Variants in SRRM1 observed in about 807,000 individuals in gnomAD.
SRRM1 encodes serine/arginine repetitive matrix protein 1.
SRRM1 carries 19 observed loss-of-function variants against 110.2 expected under a neutral mutation model. The observed-to-expected ratio is 0.17, with a 90% CI of 0.12 to 0.25. SRRM1 has a LOEUF of 0.25. Among genes scored for constraint, SRRM1 ranks in the 10% least tolerant of loss-of-function variants. The pLI is 1.00. For synonymous variants in SRRM1, 443 were observed against 414.9 expected, an observed-to-expected ratio of 1.07 and a Z score of -0.82; for missense variants, 918 against 1,145.8, an observed-to-expected ratio of 0.80 and a Z score of 2.87.
chr1:24,652,806 AT>A, intron 7 of SRRM1, 106 bp from the exon 8 acceptor site: 1 of 1,438,126 alleles, frequency 7.0e-7, no homozygotes, highest in Non-Finnish European at 9.3e-7. Flanking sequence ...TAAATGGAAA[AT>A]TTTGATCTTT....
intron 12 of SRRM1, among the ~76,000 whole-genome samples, chr1:24,665,377 C>T (rs910513309): frequency 4.7e-5 from 7 of 149,878 alleles, no homozygotes; most frequent in East Asian, 2.0e-4. Context: ...TGCAGTGAGC[C>T]GATATCGTGC....
At position 24,652,508 on chromosome 1, in the gene SRRM1, A is replaced by G; in HGVS notation, c.800A>G (p.Lys267Arg). The part of the protein sequence containing the change: ...KEPSPEKNSK[K>R]EKEKEKTRPR... Reference sequence around the variant, plus strand: ...CCTTCTCCGGAAAAAAATTCCAAAAAAGAAAAGGAGAAGGAGAAGACCCGA... The same window carrying G: ...CCTTCTCCGGAAAAAAATTCCAAAAGAGAAAAGGAGAAGGAGAAGACCCGA... Residue 267 changes from lysine (K) to arginine (R), a missense_variant, in exon 7 of 17, where the codon AAA becomes AGA. Around this residue, in one of 5 missense-constraint regions of SRRM1, gnomAD observed 456 missense variants for 453.5 expected, o/e 1.01. Coordinates refer to ENST00000323848, the MANE Select transcript of SRRM1 (RefSeq NM_005839.4). The G allele has an allele frequency of 1.9e-6, 3 of 1,613,208 alleles. No individual in the cohort carries two copies. The highest frequency in any genetic ancestry group is 2.5e-6 in the Non-Finnish European group (3 of 1,179,718).
At chr1:24,672,050 C>A in intron 16 of SRRM1, 132 bp from the exon 17 acceptor site, 1 of 638,140 alleles carries the variant, frequency 1.6e-6, no homozygotes, top group Admixed American at 2.8e-5. Context: ...TAGGTATATC[C>A]CTCCCTGCTC....
chr1:24,643,619 G>C, intron 1 of SRRM1: 1 of 391,622 alleles, frequency 2.6e-6, no homozygotes, highest in Non-Finnish European at 4.5e-6. Flanking sequence ...GTACCTCGCT[G>C]CCCGCCTGCC....
rs187926176 is a variant in SRRM1, at chr1:24,649,885, A to G, written c.406-86A>G. 1.1e-3 allele frequency: 1,350 copies of G among 1,188,672 alleles called. 2 individuals are homozygous for G. The highest frequency in any genetic ancestry group is 1.4e-3 in the Non-Finnish European group (1,235 of 876,188). The allele number at this position is 1,188,672 out of a possible 1,614,324, so 73.6% of individuals were successfully genotyped here. ...AAGAGGCCGATGAAATGATAATAGC[A>G]TTGGTGTTTAACACACGTAGAAAGT... On this transcript the variant is annotated intron_variant, in intron 4 of 16. Coordinates refer to ENST00000323848, the MANE Select transcript of SRRM1 (RefSeq NM_005839.4).
At position 24,654,962 on chromosome 1, in the gene SRRM1, G is replaced by A. The variant is rs1435030520; in HGVS notation, c.1148G>A (p.Arg383Gln). ...KPPKRTSSPP[R>Q]KTRRLSPSAS... is the part of the protein sequence containing the mutation. ...CCCAAGAGGACATCCAGCCCCCCTC[G>A]GAAAACTCGTAGGTTATCTCCTTCA... The change falls in exon 9 of 17, where the codon CGG becomes CAG. Residue 383 changes from arginine to glutamine, a missense_variant. Arg to Gln is a conservative substitution (Grantham distance 43, BLOSUM62 1). This residue lies in a region of SRRM1 where 456 missense variants were observed against 453.5 expected (regional missense o/e 1.01). Coordinates refer to ENST00000323848, the MANE Select transcript of SRRM1 (RefSeq NM_005839.4). 8 of 1,613,940 alleles carry A rather than the reference G, an allele frequency of 5.0e-6. No individual in the cohort carries two copies. Among genetic ancestry groups the A allele is most frequent in the Non-Finnish European group, 5.9e-6 (7 of 1,180,010 alleles).
intron 5 of SRRM1, among the ~76,000 whole-genome samples, chr1:24,651,024 C>T (rs1660350352): frequency 6.6e-6 from 1 of 152,166 alleles, no homozygotes; most frequent in Admixed American, 6.5e-5. Flanking sequence ...TCCTGATGAA[C>T]TCCATTGTAA....
At chr1:24,658,998 C>T (rs990373870) in intron 9 of SRRM1, among the ~76,000 whole-genome samples, 4 of 151,992 alleles carry the variant, frequency 2.6e-5, no homozygotes, top group African/African-American at 7.2e-5. Context: ...GTTCAAGACC[C>T]GCGTGACCAA....
intron 9 of SRRM1, among the ~76,000 whole-genome samples, chr1:24,657,442 G>T (rs2148491059): frequency 6.6e-6 from 1 of 152,316 alleles, no homozygotes; most frequent in Non-Finnish European, 1.5e-5. Context: ...GGAGGGCAGG[G>T]TTGAAATTCT....
intron 6 of SRRM1, 62 bp downstream of exon 6, chr1:24,651,674 A>G (rs1660738940): frequency 8.1e-7 from 1 of 1,229,034 alleles, no homozygotes; most frequent in Admixed American, 2.1e-5. Flanking sequence ...GACTGCAAAT[A>G]TGACATCTGA....
chr1:24,666,756 C>T (rs190262178), intron 12 of SRRM1, 59 bp from the exon 13 acceptor site: 21 of 1,348,698 alleles, frequency 1.6e-5, no homozygotes, highest in Middle Eastern at 2.5e-4. Context: ...CAGAGTGAGA[C>T]GCCATCACAC....
In SRRM1 at chr1:24,671,403, A is replaced by G; in HGVS notation, c.2418A>G (p.Gly806=). 1.2e-6 allele frequency: 2 copies of G among 1,610,542 alleles called. No individual in the cohort carries two copies. The highest frequency in any genetic ancestry group is 1.3e-5 in the African/African-American group (1 of 74,562). ...CTTCCTAGAATTCAGATCAGGAAGG[A>G]GGTGGAAAGAAAAAGAAGAAAAAGA... is the stretch of plus-strand genomic sequence containing the variant. ...PSPPRNSDQE[G]GGKKKKKKKD... Residue 806 remains glycine, a synonymous_variant, in exon 16 of 17, where the codon GGA becomes GGG. Coordinates refer to ENST00000323848, the MANE Select transcript of SRRM1 (RefSeq NM_005839.4).
At chr1:24,652,324 T>G in intron 6 of SRRM1, 110 bp from the exon 7 acceptor site, 1 of 737,990 alleles carries the variant, frequency 1.4e-6, no homozygotes, top group Non-Finnish European at 2.1e-6. Flanking sequence ...TAGAGACAAG[T>G]CTGTGAATTT....
Position 24,671,646 on chromosome 1 carries a change from A to G in SRRM1, c.2610+51A>G, listed in dbSNP as rs749727401. 7 of 1,489,364 alleles carry G rather than the reference A, an allele frequency of 4.7e-6. No homozygotes were observed. The South Asian group carries it at 7.8e-5, about 17-fold the overall frequency. 92.3% of individuals were successfully genotyped at this position (1,489,364 alleles called of 1,614,324 possible). On this transcript the variant is annotated intron_variant, in intron 16 of 16. Coordinates refer to ENST00000323848, the MANE Select transcript of SRRM1 (RefSeq NM_005839.4). The stretch of plus-strand genomic sequence containing the variant: ...GTCTTGCAGTTTACGTACAGATAGC[A>G]AAGTCATTTTGTTTTGAGAAGTAGC...
At chr1:24,657,870 C>T (rs1353789879) in intron 9 of SRRM1, among the ~76,000 whole-genome samples, 2 of 152,122 alleles carry the variant, frequency 1.3e-5, no homozygotes, top group East Asian at 3.9e-4. Context: ...ATACATTGTG[C>T]TATCTGGACA....
At chr1:24,655,157 GTC>G in intron 9 of SRRM1, 28 bp downstream of exon 9, 1 of 1,609,050 alleles carries the variant, frequency 6.2e-7, no homozygotes, top group Non-Finnish European at 8.5e-7. Flanking sequence ...ATGAAACATG[GTC>G]TCTCTTTCTT....
At chr1:24,647,812 G>A (rs1179969976) in intron 3 of SRRM1, 1 of 152,334 alleles carries the variant, frequency 6.6e-6, no homozygotes, top group Non-Finnish European at 1.5e-5. Context: ...AGAAAACCAG[G>A]AACAGGGGAG....
chr1:24,671,247 TC>T (rs1672591020), intron 15 of SRRM1, 138 bp from the exon 16 acceptor site: 2 of 897,102 alleles, frequency 2.2e-6, no homozygotes, highest in Non-Finnish European at 3.5e-6. Flanking sequence ...CCTTGGGCCT[TC>T]CCCACTCACA....
chr1:24,663,970 G>A (rs1387048854), intron 12 of SRRM1, among the ~76,000 whole-genome samples: 1 of 148,516 alleles, frequency 6.7e-6, no homozygotes, highest in East Asian at 1.9e-4. Context: ...TACTAGAAAG[G>A]TGGGTTGCAT....
Sources: allele counts gnomAD v4.1 joint callset (sites outside exome capture counted in the v4.1 genomes callset), GRCh38; gene constraint gnomAD v4.1.1; regional missense constraint gnomAD v4.1.1; transcripts MANE v1.5; gene names NCBI Gene and HGNC (gene_info 2026-07-23, HGNC 2026-07-21).